Variants in SLF1 observed in about 807,000 individuals in gnomAD.
SLF1 encodes SMC5-SMC6 complex localization factor protein 1.
A neutral mutation model predicts 123.0 loss-of-function variants in SLF1; 105 were observed. The ratio of observed to expected loss-of-function variants is 0.85; its 90% CI spans 0.73 to 1.00. SLF1 has a LOEUF of 1.00. SLF1 is among the 50% of genes least tolerant of loss of function. The pLI is 0.00. For synonymous variants in SLF1, 434 were observed against 406.6 expected (o/e 1.07, Z -0.81); for missense variants, 1,239 against 1,223.0 (o/e 1.01, Z -0.20).
At chr5:94,642,463 C>T (rs1458412141) in intron 4 of SLF1, among the ~76,000 whole-genome samples, 1 of 152,186 alleles carries the variant, frequency 6.6e-6, no homozygotes, top group Non-Finnish European at 1.5e-5. Context: ...AACTGTGTTG[C>T]TCCTTTGATC....
intron 14 of SLF1, 185 bp from the exon 15 acceptor site, chr5:94,678,623 G>GGA (rs1332293759): frequency 6.0e-5 from 29 of 482,722 alleles, no homozygotes; most frequent in South Asian, 2.7e-4. Flanking sequence ...TTTGTCATGT[G>GGA]GAGAGAGAGA....
intron 9 of SLF1, among the ~76,000 whole-genome samples, chr5:94,659,412 C>T (rs967727084): frequency 2.6e-5 from 4 of 152,030 alleles, no homozygotes; most frequent in African/African-American, 7.3e-5. Flanking sequence ...GCTTTTTCAC[C>T]TTTCTTGCAT....
At chr5:94,659,306 C>A (rs1748786173) in intron 9 of SLF1, among the ~76,000 whole-genome samples, 1 of 151,952 alleles carries the variant, frequency 6.6e-6, no homozygotes, top group South Asian at 2.1e-4. Flanking sequence ...TTAATATCAT[C>A]ATTTTAATTT....
intron 12 of SLF1, among the ~76,000 whole-genome samples, chr5:94,666,953 CTTTTT>C (rs34215806): frequency 9.6e-6 from 1 of 104,616 alleles, no homozygotes. Flanking sequence ...CTGGGAAGAT[CTTTTT>C]TTTTTTTTTT....
At chr5:94,629,304 A>G in intron 3 of SLF1, 137 bp downstream of exon 3, 3 of 631,558 alleles carry the variant, frequency 4.8e-6, no homozygotes, top group Non-Finnish European at 7.2e-6. Flanking sequence ...AATATTTAAT[A>G]TATTTTTTGG....
intron 5 of SLF1, among the ~76,000 whole-genome samples, chr5:94,644,298 C>T (rs1475870359): frequency 2.0e-5 from 3 of 152,012 alleles, no homozygotes; most frequent in African/African-American, 7.2e-5. Flanking sequence ...CTTTCTTTTT[C>T]CTTTAGTATA....
intron 14 of SLF1, among the ~76,000 whole-genome samples, chr5:94,671,724 C>A (rs140219239): frequency 1.7e-4 from 25 of 149,900 alleles, no homozygotes; most frequent in African/African-American, 5.6e-4. Flanking sequence ...TCTAATACAT[C>A]CACCTAATAT....
intron 19 of SLF1, 26 bp from the exon 20 acceptor site, chr5:94,692,047 TA>T: frequency 1.9e-6 from 3 of 1,609,674 alleles, no homozygotes; most frequent in Non-Finnish European, 2.5e-6. Flanking sequence ...TCTGCTGTTT[TA>T]AAACTTGCCT....
chr5:94,679,509 T>A (rs993824699), intron 15 of SLF1, among the ~76,000 whole-genome samples: 1 of 152,092 alleles, frequency 6.6e-6, no homozygotes, highest in African/African-American at 2.4e-5. Flanking sequence ...GGAGGATCCC[T>A]TGAGCCCAGG....
At chr5:94,632,349 T>G (rs1346402457) in intron 4 of SLF1, among the ~76,000 whole-genome samples, 1 of 152,212 alleles carries the variant, frequency 6.6e-6, no homozygotes, top group Non-Finnish European at 1.5e-5. Flanking sequence ...TTAGTCTTTT[T>G]AAAAGTTGTT....
intron 13 of SLF1, 96 bp from the exon 14 acceptor site, chr5:94,670,747 A>C: frequency 1.1e-6 from 1 of 884,756 alleles, no homozygotes; most frequent in East Asian, 2.7e-5. Flanking sequence ...ATCTATGTTC[A>C]AAAATTGCTA....
Position 94,694,997 on chromosome 5 carries a change from T to G in SLF1, c.2862T>G (p.Phe954Leu), listed in dbSNP as rs767172390. 108 of 1,612,552 alleles carry G rather than the reference T, an allele frequency of 6.7e-5. No homozygotes were observed. Among genetic ancestry groups the G allele is most frequent in the Non-Finnish European group, 8.2e-5 (97 of 1,179,178 alleles). ...ATTTTCATTACCAGCAACTTGAATT[T>G]GGCTCCTTTTTACTTAGTAGGATGT... Reference protein sequence around the residue: ...EKHFHYQQLEFGSFLLSRMLL... With the variant: ...EKHFHYQQLELGSFLLSRMLL... The change falls in exon 21 of 21, where the codon TTT becomes TTG. Residue 954 changes from phenylalanine (F) to leucine (L), a missense_variant. By Grantham distance (22) the Phe-to-Leu change is conservative. Transcript: ENST00000265140.
chr5:94,619,277 T>C (rs1343921716), intron 1 of SLF1, among the ~76,000 whole-genome samples: 3 of 150,566 alleles, frequency 2.0e-5, no homozygotes, highest in African/African-American at 7.3e-5. Flanking sequence ...TTCTTTCCTC[T>C]CTAGTAGAAT....
intron 4 of SLF1, 92 bp from the exon 5 acceptor site, chr5:94,643,181 A>G (rs1018593130): frequency 4.8e-6 from 5 of 1,035,472 alleles, no homozygotes; most frequent in Admixed American, 3.2e-5. Flanking sequence ...AGAAAAGTCC[A>G]TTCGTACTCC....
intron 3 of SLF1, 111 bp from the exon 4 acceptor site, chr5:94,630,392 T>C: frequency 7.9e-7 from 1 of 1,259,242 alleles, no homozygotes; most frequent in Non-Finnish European, 1.1e-6. Flanking sequence ...GTTAGCAGCA[T>C]AGCTTAAGAG....
intron 3 of SLF1, chr5:94,629,797 C>G (rs923556133): frequency 2.6e-5 from 4 of 152,128 alleles, no homozygotes; most frequent in African/African-American, 9.7e-5. Context: ...TTTAACTTTA[C>G]AAATGAAAAC....
intron 1 of SLF1, among the ~76,000 whole-genome samples, chr5:94,623,296 T>C (rs539939259): frequency 4.5e-4 from 68 of 152,310 alleles, no homozygotes; most frequent in Non-Finnish European, 6.3e-4. Context: ...ACTCTGTTTA[T>C]AGTCATTGTC....
chr5:94,643,819 G>A (rs1369924869), intron 5 of SLF1, among the ~76,000 whole-genome samples: 1 of 152,062 alleles, frequency 6.6e-6, no homozygotes, highest in African/African-American at 2.4e-5. Flanking sequence ...TACTTGGTGT[G>A]GATGATGCTC....
intron 9 of SLF1, among the ~76,000 whole-genome samples, chr5:94,655,129 A>G (rs1748223286): frequency 6.6e-6 from 1 of 152,190 alleles, no homozygotes; most frequent in South Asian, 2.1e-4. Context: ...TGAAGAAATA[A>G]CAGTCTAGTT....
Sources: gnomAD v4.1 joint callset for allele counts (sites outside exome capture counted in the v4.1 genomes callset) on GRCh38, gnomAD v4.1.1 for gene constraint, MANE v1.5 for transcripts, NCBI Gene and HGNC (gene_info 2026-07-23, HGNC 2026-07-21) for gene names.